The following TFB1M variants were observed in gnomAD, a reference collection of about 807,000 sequenced individuals.
TFB1M encodes the protein transcription factor B1, mitochondrial, also known as dimethyladenosine transferase 1, mitochondrial.
TFB1M carries 27 observed loss-of-function variants against 31.1 expected under a neutral mutation model. That is an observed-to-expected ratio of 0.87 (90% CI 0.64 to 1.20). The LOEUF (loss-of-function observed/expected upper bound fraction) is 1.20, where lower values mean the gene tolerates loss of function less well. Ranked by LOEUF, TFB1M falls within the 50% of genes most tolerant of loss-of-function variation. The pLI is 0.00. For missense variants in TFB1M, 394 were observed against 418.7 expected, an observed-to-expected ratio of 0.94 and a Z score of 0.51; for synonymous variants, 166 against 151.8, an observed-to-expected ratio of 1.09 and a Z score of -0.69.
chr6:155,285,084 A>G, intron 5 of TFB1M, 74 bp downstream of exon 5: 6 of 1,582,556 alleles, frequency 3.8e-6, no homozygotes, highest in Non-Finnish European at 5.2e-6. Flanking sequence ...CCTAGAGGTT[A>G]TTTCCTATGA....
chr6:155,247,391 C>T, the TFB1M span, among the ~76,000 whole-genome samples: 4 of 152,028 alleles, frequency 2.6e-5, no homozygotes, highest in Admixed American at 6.5e-5. Context: ...TGCAGTGGCG[C>T]GATCTTGGCT....
At chr6:155,260,051 A>G (rs1185091307) in intron 6 of TFB1M, among the ~76,000 whole-genome samples, 5 of 152,142 alleles carry the variant, frequency 3.3e-5, no homozygotes, top group Admixed American at 3.3e-4. Flanking sequence ...GCAGTCACCA[A>G]CTCCAGGCTG....
intron 4 of TFB1M, among the ~76,000 whole-genome samples, chr6:155,290,027 A>C (rs1476835606): frequency 6.6e-6 from 1 of 152,186 alleles, no homozygotes; most frequent in Non-Finnish European, 1.5e-5. Flanking sequence ...ATGTGAGCCA[A>C]TTAAACCTTT....
intron 2 of TFB1M, among the ~76,000 whole-genome samples, chr6:155,301,974 G>A (rs1167041595): frequency 6.6e-6 from 1 of 152,012 alleles, no homozygotes; most frequent in Non-Finnish European, 1.5e-5. Flanking sequence ...AAACACAAAT[G>A]TAGAAGCATT....
At chr6:155,278,532 C>T (rs1003464777) in intron 5 of TFB1M, among the ~76,000 whole-genome samples, 3 of 152,208 alleles carry the variant, frequency 2.0e-5, no homozygotes, top group Non-Finnish European at 2.9e-5. Context: ...CTAACACATG[C>T]CAGTCCTGGT....
chr6:155,251,817 T>C, downstream of TFB1M: 2 of 708,660 alleles, frequency 2.8e-6, no homozygotes, highest in Non-Finnish European at 4.9e-6. Context: ...TTCACTCATG[T>C]TGGCAGAGTG....
At chr6:155,230,223 A>G in the TFB1M span, among the ~76,000 whole-genome samples, 273 of 152,312 alleles carry the variant, frequency 1.8e-3, 1 homozygote, top group African/African-American at 6.2e-3. Flanking sequence ...TCCTTCACAG[A>G]AAGTTCACCA....
the TFB1M span, among the ~76,000 whole-genome samples, chr6:155,230,070 C>A: frequency 2.6e-5 from 4 of 151,766 alleles, no homozygotes; most frequent in Non-Finnish European, 4.4e-5. Context: ...CCAGGTGACA[C>A]CTGTACCACC....
rs768638095 is a variant in TFB1M at position 155,311,207 on chromosome 6, C to T, written c.266G>A (p.Arg89Gln). ...AELLVVEKDT[R>Q]FIPGLQMLSD... ...TCTCACCTGTAATCCAGGAATAAAT[C>T]GAGTGTCCTTTTCAACCACCAGAAG... Residue 89 changes from arginine to glutamine, a missense_variant, in exon 2 of 7, where the codon CGA (arginine) becomes CAA (glutamine). Arg to Gln is a conservative substitution (Grantham distance 43). This residue lies in a region of TFB1M where 273 missense variants were observed against 256.4 expected (regional missense o/e 1.06). Transcript: ENST00000367166. The T allele has an allele frequency of 6.8e-6, 11 of 1,613,902 alleles. No homozygotes were observed. The highest frequency in any genetic ancestry group is 6.7e-5 in the Admixed American group (4 of 59,996).
rs1434526195 is a variant in TFB1M, at chr6:155,256,755, G to A, written c.*1081C>T. The A allele has an allele frequency of 6.2e-7, 1 of 1,614,230 alleles. No homozygotes were observed. The highest frequency in any genetic ancestry group is 1.1e-5 in the South Asian group (1 of 91,086). On this transcript the variant is annotated 3_prime_UTR_variant, in exon 7 of 7. Transcript: ENST00000367166. ...ATGATGACCACCGTCAGACTGTGAA[G>A]CAGGGCAGCCCTACTAAAGACATCG...
At chr6:155,285,693 T>A (rs1329797334) in intron 4 of TFB1M, among the ~76,000 whole-genome samples, 1 of 152,188 alleles carries the variant, frequency 6.6e-6, no homozygotes, top group African/African-American at 2.4e-5. Context: ...TGAATGAACA[T>A]TTTAAATGGT....
At chr6:155,285,513 G>A (rs1776587885) in intron 4 of TFB1M, among the ~76,000 whole-genome samples, 1 of 152,126 alleles carries the variant, frequency 6.6e-6, no homozygotes, top group East Asian at 1.9e-4. Flanking sequence ...ACAAAAATAA[G>A]AACATTTGCT....
At chr6:155,258,916 C>T (rs1784255636) in intron 6 of TFB1M, among the ~76,000 whole-genome samples, 1 of 152,028 alleles carries the variant, frequency 6.6e-6, no homozygotes, top group Non-Finnish European at 1.5e-5. Context: ...ATGGCAGTTT[C>T]TAATATCTGA....
chr6:155,310,172 C>G (rs1196997261), intron 2 of TFB1M, among the ~76,000 whole-genome samples: 2 of 152,206 alleles, frequency 1.3e-5, no homozygotes, highest in African/African-American at 4.8e-5. Flanking sequence ...CGTTTAAAAT[C>G]AATTTGTCCT....
At chr6:155,288,701 A>C (rs1258964714) in intron 4 of TFB1M, among the ~76,000 whole-genome samples, 1 of 152,258 alleles carries the variant, frequency 6.6e-6, no homozygotes, top group African/African-American at 2.4e-5. Flanking sequence ...TAGAGATGAA[A>C]ACATGCGAAT....
chr6:155,254,632 A>C (rs1349191091), downstream of TFB1M: 2 of 1,579,718 alleles, frequency 1.3e-6, no homozygotes, highest in Admixed American at 3.4e-5. Context: ...TCTGAAAAGG[A>C]TATATGCTCT....
Position 155,311,293 on chromosome 6 carries a change from G to A in TFB1M, c.180C>T (p.Tyr60=), listed in dbSNP as rs73792829. The change falls in exon 2 of 7, where the codon TAC becomes TAT. Residue 60 remains tyrosine, a synonymous_variant. Coordinates refer to ENST00000367166, the MANE Select transcript of TFB1M (RefSeq NM_016020.4). ...TTCCCCCTGGCCCAGGGCCCACTTC[G>A]TAAACATAAGCATTTGTCAGATTGC... is the stretch of plus-strand genomic sequence containing the variant. ...KAGNLTNAYV[Y]EVGPGPGGIT... The A allele has an allele frequency of 1.3e-3, 2,142 of 1,613,852 alleles. 22 individuals carry two copies. In the African/African-American group the frequency reaches 0.025, roughly 19 times the overall value.
At position 155,257,771 on chromosome 6, in the gene TFB1M, C is replaced by CCT. The variant is rs1353666242; in HGVS notation, c.*63_*64dup. 5.6e-6 allele frequency: 9 copies of CCT among 1,593,490 alleles called. No homozygotes were observed. Among genetic ancestry groups the CCT allele is most frequent in the Non-Finnish European group, 7.7e-6 (9 of 1,167,676 alleles). On this transcript the variant is annotated 3_prime_UTR_variant, in exon 7 of 7. Transcript: ENST00000367166. The stretch of plus-strand genomic sequence containing the variant: ...GTCATTCTGTAAAGACAAAAGAGTA[C>CCT]CTATATAAGAAGCTCCACGTAGTGC...
rs747780147 is a variant in TFB1M at position 155,256,412 on chromosome 6, G to A, written c.*1424C>T. ...AATCTTAATGTTAAATCTTACACAA[G>A]CTTTGAGGCAAACATTACACATTGT... is the stretch of plus-strand genomic sequence containing the variant. On this transcript the variant is annotated 3_prime_UTR_variant, in exon 7 of 7. Transcript: ENST00000367166. 2.5e-6 allele frequency: 4 copies of A among 1,599,506 alleles called. No individual in the cohort carries two copies. The highest frequency in any genetic ancestry group is 1.3e-5 in the African/African-American group (1 of 74,532).
Sources: gnomAD v4.1 joint callset for allele counts (sites outside exome capture counted in the v4.1 genomes callset) on GRCh38, gnomAD v4.1.1 for gene constraint, gnomAD v4.1.1 regional missense constraint, MANE v1.5 for transcripts, NCBI Gene and HGNC (gene_info 2026-07-23, HGNC 2026-07-21) for gene names.